Variants in MIPOL1 observed in about 807,000 individuals in gnomAD.
The protein encoded by MIPOL1 is mirror-image polydactyly 1.
In MIPOL1, 57 loss-of-function variants were observed where a neutral mutation model predicts 60.9. The observed-to-expected ratio is 0.94, with a 90% CI of 0.76 to 1.17. The LOEUF (loss-of-function observed/expected upper bound fraction) is 1.17, where lower values mean the gene tolerates loss of function less well. Among genes scored for constraint, MIPOL1 ranks in the 50% most tolerant of loss-of-function variants. MIPOL1 has a pLI of 0.00. For missense variants in MIPOL1, 551 were observed against 511.6 expected, an observed-to-expected ratio of 1.08 and a Z score of -0.74; for synonymous variants, 179 against 168.8, an observed-to-expected ratio of 1.06 and a Z score of -0.47.
At chr14:37,524,559 C>CTTTTTTTTT (rs1171387928) in intron 12 of MIPOL1, among the ~76,000 whole-genome samples, 10 of 18,508 alleles carry the variant, frequency 5.4e-4, no homozygotes, top group East Asian at 7.0e-3. Context: ...CTTAATTTTT[C>CTTTTTTTTT]TTTTTCTTTT....
chr14:37,360,934 C>T (rs1160637128), intron 9 of MIPOL1, among the ~76,000 whole-genome samples: 2 of 152,064 alleles, frequency 1.3e-5, no homozygotes. Context: ...TAGATCTTTT[C>T]TGCTTTCTCT....
chr14:37,531,648 C>A (rs1473479595), intron 12 of MIPOL1, among the ~76,000 whole-genome samples: 1 of 152,086 alleles, frequency 6.6e-6, no homozygotes, highest in Non-Finnish European at 1.5e-5. Context: ...CTAAACTGAT[C>A]TAAGGAAAAA....
intron 10 of MIPOL1, among the ~76,000 whole-genome samples, chr14:37,408,581 A>G (rs1160053840): frequency 3.3e-5 from 5 of 152,158 alleles, no homozygotes; most frequent in Non-Finnish European, 7.3e-5. Flanking sequence ...GTGAGTTGAG[A>G]TTGCACCACT....
chr14:37,402,971 AC>A (rs1325926226), intron 10 of MIPOL1, among the ~76,000 whole-genome samples: 1 of 152,104 alleles, frequency 6.6e-6, no homozygotes, highest in East Asian at 1.9e-4. Flanking sequence ...GGTAGCCACA[AC>A]CTGTTCGTTT....
In MIPOL1 at chr14:37,302,705, A is replaced by G. The variant is rs149555890; in HGVS notation, c.624-5351A>G. Among the ~76,000 whole-genome samples, 466 of 150,764 alleles carry G rather than the reference A, an allele frequency of 3.1e-3. 3 individuals carry two copies. Among genetic ancestry groups the G allele is most frequent in the African/African-American group, 9.7e-3 (398 of 41,090 alleles). On this transcript the variant is annotated intron_variant, in intron 7 of 12. Transcript: ENST00000684589. ...TTGTTGGAAAGGCTGTCATTTCTACATTAAATTTCCTTTGCACCTATGTCA... is the reference window on the plus strand; with the variant it reads ...TTGTTGGAAAGGCTGTCATTTCTACGTTAAATTTCCTTTGCACCTATGTCA...
intron 12 of MIPOL1, among the ~76,000 whole-genome samples, chr14:37,526,011 C>G (rs1168113031): frequency 6.6e-6 from 1 of 152,034 alleles, no homozygotes. Context: ...GTAGAGGATA[C>G]TCTTAATGGC....
At chr14:37,483,791 C>T (rs947540138) in intron 11 of MIPOL1, among the ~76,000 whole-genome samples, 3 of 152,078 alleles carry the variant, frequency 2.0e-5, no homozygotes, top group Non-Finnish European at 4.4e-5. Flanking sequence ...TATGCCTCCA[C>T]ACCTGACTGA....
At chr14:37,477,433 G>A (rs1426375288) in intron 11 of MIPOL1, among the ~76,000 whole-genome samples, 2 of 151,898 alleles carry the variant, frequency 1.3e-5, no homozygotes, top group African/African-American at 4.8e-5. Context: ...ATTTCTCCTT[G>A]TATGAGTTTT....
intron 9 of MIPOL1, among the ~76,000 whole-genome samples, chr14:37,365,467 A>T (rs1449167166): frequency 6.6e-6 from 1 of 152,114 alleles, no homozygotes; most frequent in African/African-American, 2.4e-5. Context: ...TGAAATGATC[A>T]TATGGTTTTT....
At chr14:37,333,043 A>G (rs2089852553) in intron 9 of MIPOL1, among the ~76,000 whole-genome samples, 1 of 152,212 alleles carries the variant, frequency 6.6e-6, no homozygotes, top group African/African-American at 2.4e-5. Context: ...GTATTGCTAC[A>G]GATAATTTTA....
intron 12 of MIPOL1, chr14:37,506,674 G>T (rs1171554108): frequency 6.6e-6 from 1 of 152,144 alleles, no homozygotes; most frequent in Admixed American, 6.5e-5. Context: ...TACCATTCAG[G>T]ACGTAGGCGT....
Position 37,197,977 on chromosome 14 carries a change from T to C in MIPOL1, c.-326T>C, listed in dbSNP as rs1964605012. 6.6e-6 allele frequency: 1 copy of C among 152,038 alleles called. No homozygotes were observed. Among genetic ancestry groups the C allele is most frequent in the South Asian group, 2.1e-4 (1 of 4,832 alleles). 9.4% of individuals were successfully genotyped at this position (152,038 alleles called of 1,614,324 possible). On this transcript the variant is annotated 5_prime_UTR_variant, in exon 1 of 13. Transcript: ENST00000684589. ...CCCCGCTCCTCCGCCGGATCGTCTG[T>C]GGGTGAGTCTCGAGCCAGGAGGCTC...
chr14:37,338,971 T>G (rs1380727232), intron 9 of MIPOL1, among the ~76,000 whole-genome samples: 1 of 152,146 alleles, frequency 6.6e-6, no homozygotes, highest in Non-Finnish European at 1.5e-5. Flanking sequence ...AAAGAAAATA[T>G]TGATCAATTT....
At chr14:37,462,254 C>T (rs1320368206) in intron 11 of MIPOL1, among the ~76,000 whole-genome samples, 3 of 152,202 alleles carry the variant, frequency 2.0e-5, no homozygotes, top group Non-Finnish European at 4.4e-5. Flanking sequence ...AAGCCATGGC[C>T]TGAGCTCTAC....
intron 12 of MIPOL1, among the ~76,000 whole-genome samples, chr14:37,509,606 C>T (rs1164921144): frequency 1.3e-5 from 2 of 151,520 alleles, no homozygotes; most frequent in African/African-American, 2.4e-5. Flanking sequence ...AGTACAGATA[C>T]ATATATACAT....
intron 11 of MIPOL1, among the ~76,000 whole-genome samples, chr14:37,443,654 C>T (rs1198845053): frequency 6.7e-6 from 1 of 148,990 alleles, no homozygotes; most frequent in Non-Finnish European, 1.5e-5. Flanking sequence ...CTTCCCAACT[C>T]AGTCAATAAC....
chr14:37,458,369 T>A (rs2094500329), intron 11 of MIPOL1, among the ~76,000 whole-genome samples: 1 of 152,168 alleles, frequency 6.6e-6, no homozygotes, highest in South Asian at 2.1e-4. Context: ...AATATACATT[T>A]TTCTCATTTG....
intron 11 of MIPOL1, among the ~76,000 whole-genome samples, chr14:37,477,231 T>C (rs1340158440): frequency 1.3e-5 from 2 of 152,174 alleles, no homozygotes; most frequent in African/African-American, 4.8e-5. Context: ...AGGGTAATAC[T>C]AGCCTCATTA....
At chr14:37,441,153 A>G (rs2094238620) in intron 11 of MIPOL1, among the ~76,000 whole-genome samples, 2 of 152,044 alleles carry the variant, frequency 1.3e-5, no homozygotes, top group Admixed American at 1.3e-4. Flanking sequence ...TGCCAGATGC[A>G]TATTTTTCAA....
Sources: gnomAD v4.1 joint callset for allele counts (sites outside exome capture counted in the v4.1 genomes callset) on GRCh38, gnomAD v4.1.1 for gene constraint, MANE v1.5 for transcripts, NCBI Gene and HGNC (gene_info 2026-07-23, HGNC 2026-07-21) for gene names.